The following LRRC8B variants were observed in gnomAD, a reference collection of about 807,000 sequenced individuals.
LRRC8B encodes leucine rich repeat containing 8 VRAC subunit B.
In LRRC8B, 23 loss-of-function variants were observed where a neutral mutation model predicts 58.8. The ratio of observed to expected loss-of-function variants is 0.39; its 90% CI spans 0.28 to 0.55. LRRC8B has a LOEUF of 0.55. Among genes scored for constraint, LRRC8B ranks in the 20% least tolerant of loss-of-function variants. The pLI is 0.62. For synonymous variants in LRRC8B, 359 were observed against 374.1 expected, an observed-to-expected ratio of 0.96 and a Z score of 0.47; for missense variants, 694 against 936.0, an observed-to-expected ratio of 0.74 and a Z score of 3.37.
intron 1 of LRRC8B, among the ~76,000 whole-genome samples, chr1:89,561,215 C>T (rs1652624296): frequency 1.3e-5 from 2 of 151,208 alleles, no homozygotes; most frequent in South Asian, 4.2e-4. Flanking sequence ...ATGTCCTTCG[C>T]CCACTTTTTG....
chr1:89,572,525 G>C (rs1358166013), intron 3 of LRRC8B: 1 of 152,114 alleles, frequency 6.6e-6, no homozygotes, highest in African/African-American at 2.4e-5. Context: ...CATATTTCTT[G>C]GAGGCTTTGT....
intron 1 of LRRC8B, among the ~76,000 whole-genome samples, chr1:89,527,273 C>T (rs780329207): frequency 1.3e-5 from 2 of 152,190 alleles, no homozygotes; most frequent in African/African-American, 2.4e-5. Context: ...GCCTGTTTAA[C>T]CCAATCCCGG....
intron 5 of LRRC8B, among the ~76,000 whole-genome samples, chr1:89,592,554 G>A (rs1410356440): frequency 1.3e-5 from 2 of 152,078 alleles, no homozygotes; most frequent in African/African-American, 4.8e-5. Flanking sequence ...CAAGGATGTA[G>A]GTGTCCAGGG....
chr1:89,575,398 C>T (rs1653767119), intron 3 of LRRC8B, among the ~76,000 whole-genome samples: 1 of 152,158 alleles, frequency 6.6e-6, no homozygotes. Context: ...CATGGAGTCT[C>T]ACATGAAGGA....
At chr1:89,536,301 A>G (rs764486607) in intron 1 of LRRC8B, among the ~76,000 whole-genome samples, 12 of 152,224 alleles carry the variant, frequency 7.9e-5, no homozygotes, top group Non-Finnish European at 1.6e-4. Flanking sequence ...ACCAGCAGAT[A>G]TGGCACTCGA....
intron 3 of LRRC8B, among the ~76,000 whole-genome samples, chr1:89,577,883 G>C (rs969955590): frequency 6.6e-6 from 1 of 151,442 alleles, no homozygotes; most frequent in Non-Finnish European, 1.5e-5. Flanking sequence ...GGGAAAGAGC[G>C]CTAATTAGCT....
intron 1 of LRRC8B, among the ~76,000 whole-genome samples, chr1:89,532,807 A>G (rs1650237360): frequency 6.6e-6 from 1 of 152,226 alleles, no homozygotes; most frequent in Admixed American, 6.5e-5. Flanking sequence ...CACAGAACAA[A>G]TGAGGGCCTG....
chr1:89,525,253 G>T (rs1164294141), intron 1 of LRRC8B, among the ~76,000 whole-genome samples: 2 of 152,226 alleles, frequency 1.3e-5, no homozygotes, highest in African/African-American at 4.8e-5. Context: ...CCCACGCTGA[G>T]AGGACCTCTC....
chr1:89,527,507 C>T (rs924529107), intron 1 of LRRC8B, among the ~76,000 whole-genome samples: 32 of 152,218 alleles, frequency 2.1e-4, no homozygotes, highest in African/African-American at 7.7e-4. Context: ...CAGTTCAGAC[C>T]TGTGACCATT....
intron 1 of LRRC8B, among the ~76,000 whole-genome samples, chr1:89,547,281 G>A (rs1200266907): frequency 2.0e-5 from 3 of 151,428 alleles, no homozygotes; most frequent in African/African-American, 7.3e-5. Context: ...TTACCAGCAT[G>A]CCACTGGATA....
Position 89,582,723 on chromosome 1 carries a change from G to A in LRRC8B, c.73G>A (p.Asp25Asn). 2 of 1,614,200 alleles carry A rather than the reference G, an allele frequency of 1.2e-6. No homozygotes were observed. Among genetic ancestry groups the A allele is most frequent in the Non-Finnish European group, 1.7e-6 (2 of 1,180,036 alleles). ...TTATCACATCTTAAAACCATGGTGG[G>A]ACGTCTTCTGGTATTACATCACACT... Reference protein sequence around the residue: ...SSYHILKPWWDVFWYYITLIM... With the variant: ...SSYHILKPWWNVFWYYITLIM... The change falls in exon 5 of 6, where the codon GAC (aspartate) becomes AAC (asparagine). Residue 25 changes from aspartate to asparagine, a missense_variant. This residue lies in a region of LRRC8B where 316 missense variants were observed against 403.8 expected (regional missense o/e 0.78). Transcript: ENST00000330947.
intron 3 of LRRC8B, among the ~76,000 whole-genome samples, chr1:89,577,786 C>A (rs918678713): frequency 6.6e-6 from 1 of 151,778 alleles, no homozygotes; most frequent in Admixed American, 6.6e-5. Context: ...TAACGGAAGA[C>A]ATTACAGAAA....
chr1:89,540,471 C>T (rs142994447), intron 1 of LRRC8B, among the ~76,000 whole-genome samples: 2 of 152,262 alleles, frequency 1.3e-5, no homozygotes, highest in East Asian at 3.9e-4. Flanking sequence ...ATCAACCCCA[C>T]GCTTTGAGTT....
At chr1:89,529,093 TG>T (rs1424911239) in intron 1 of LRRC8B, among the ~76,000 whole-genome samples, 1 of 152,226 alleles carries the variant, frequency 6.6e-6, no homozygotes, top group Non-Finnish European at 1.5e-5. Flanking sequence ...TCTTTTTTCT[TG>T]ACTAGTATTG....
chr1:89,564,531 C>A (rs914369669), intron 1 of LRRC8B, among the ~76,000 whole-genome samples: 1 of 152,126 alleles, frequency 6.6e-6, no homozygotes, highest in Admixed American at 6.5e-5. Context: ...TCAACTTTTT[C>A]ACGTTTAGAG....
chr1:89,538,427 A>G (rs888606490), intron 1 of LRRC8B, among the ~76,000 whole-genome samples: 3 of 152,190 alleles, frequency 2.0e-5, no homozygotes, highest in Non-Finnish European at 2.9e-5. Context: ...CTTTCATAGA[A>G]GCAGTGACTC....
Position 89,568,283 on chromosome 1 carries a change from G to C in LRRC8B, c.-204G>C, listed in dbSNP as rs1653184910. On this transcript the variant is annotated 5_prime_UTR_variant, in exon 2 of 6. Coordinates refer to ENST00000330947, the MANE Select transcript of LRRC8B (RefSeq NM_001369817.2). ...CCTCTTCTGTGAGAAGTCAGAAGGTGATCTCTTTAATGCTTTCTTTTTAAG... is the reference window on the plus strand; with the variant it reads ...CCTCTTCTGTGAGAAGTCAGAAGGTCATCTCTTTAATGCTTTCTTTTTAAG... 1 of 152,078 alleles carries C rather than the reference G, an allele frequency of 6.6e-6. No individual in the cohort carries two copies. Among genetic ancestry groups the C allele is most frequent in the Non-Finnish European group, 1.5e-5 (1 of 67,964 alleles). The allele number at this position is 152,078 out of a possible 1,614,324, so 9.4% of individuals were successfully genotyped here.
intron 1 of LRRC8B, among the ~76,000 whole-genome samples, chr1:89,556,057 A>AT (rs1227848097): frequency 6.6e-6 from 1 of 152,176 alleles, no homozygotes; most frequent in Admixed American, 6.6e-5. Context: ...TAACCATGTG[A>AT]TTCCAGCATT....
intron 1 of LRRC8B, among the ~76,000 whole-genome samples, chr1:89,536,149 A>G (rs1252237763): frequency 3.3e-5 from 5 of 152,186 alleles, no homozygotes; most frequent in African/African-American, 4.8e-5. Flanking sequence ...TTGCCCATCA[A>G]TGCTAACATA....
Sources: allele counts gnomAD v4.1 joint callset (sites outside exome capture counted in the v4.1 genomes callset), GRCh38; gene constraint gnomAD v4.1.1; regional missense constraint gnomAD v4.1.1; transcripts MANE v1.5; gene names NCBI Gene and HGNC (gene_info 2026-07-23, HGNC 2026-07-21).